The following MDGA2 variants were observed in gnomAD, a reference collection of about 807,000 sequenced individuals.
MDGA2 encodes MAM domain-containing glycosylphosphatidylinositol anchor protein 2.
In MDGA2, 40 loss-of-function variants were observed where a neutral mutation model predicts 117.8. That is an observed-to-expected ratio of 0.34 (90% CI 0.26 to 0.44). The LOEUF (loss-of-function observed/expected upper bound fraction) is 0.44, where lower values mean the gene tolerates loss of function less well. Among genes scored for constraint, MDGA2 ranks in the 20% least tolerant of loss-of-function variants. The pLI is 1.00. For missense variants in MDGA2, 1,123 were observed against 1,250.6 expected (o/e 0.90, Z 1.54); for synonymous variants, 452 against 439.0 (o/e 1.03, Z -0.37).
intron 6 of MDGA2, among the ~76,000 whole-genome samples, chr14:47,088,363 C>T (rs1299620349): frequency 1.3e-5 from 2 of 152,210 alleles, no homozygotes; most frequent in East Asian, 1.9e-4. Flanking sequence ...GAAATAAGCA[C>T]TTAATCTGCA....
At chr14:47,427,251 C>G (rs755184617) in intron 1 of MDGA2, among the ~76,000 whole-genome samples, 8 of 152,102 alleles carry the variant, frequency 5.3e-5, no homozygotes, top group African/African-American at 1.4e-4. Context: ...CCCTCCTGCT[C>G]CCTTCCTCCC....
At chr14:47,643,206 C>T (rs1361843212) in intron 1 of MDGA2, among the ~76,000 whole-genome samples, 1 of 151,930 alleles carries the variant, frequency 6.6e-6, no homozygotes, top group East Asian at 1.9e-4. Flanking sequence ...ATTTTTAATT[C>T]TATTCATAAG....
chr14:46,919,573 G>A (rs1351953937), intron 10 of MDGA2, among the ~76,000 whole-genome samples: 1 of 152,126 alleles, frequency 6.6e-6, no homozygotes, highest in Non-Finnish European at 1.5e-5. Context: ...ATTAGCTTAT[G>A]CAACATTCTG....
chr14:47,046,954 C>T (rs967023519), intron 7 of MDGA2, among the ~76,000 whole-genome samples: 2 of 152,078 alleles, frequency 1.3e-5, no homozygotes, highest in African/African-American at 4.8e-5. Flanking sequence ...AAAGCAGAGC[C>T]ACATATGTTA....
At chr14:47,653,797 G>A (rs2080092786) in intron 1 of MDGA2, among the ~76,000 whole-genome samples, 1 of 152,108 alleles carries the variant, frequency 6.6e-6, no homozygotes. Flanking sequence ...TGGAAGAAAG[G>A]CACAGAGAGA....
intron 10 of MDGA2, among the ~76,000 whole-genome samples, chr14:46,918,760 CTTTT>C (rs34958634): frequency 2.4e-5 from 3 of 124,802 alleles, no homozygotes; most frequent in Non-Finnish European, 3.2e-5. Context: ...TACAGTGTAT[CTTTT>C]TTTTTTTTTT....
chr14:47,201,126 G>T, intron 3 of MDGA2: 1 of 762,722 alleles, frequency 1.3e-6, no homozygotes. Context: ...GCTTGGGAAA[G>T]CCCTTTTTCT....
At chr14:47,625,454 C>T in intron 1 of MDGA2, among the ~76,000 whole-genome samples, 1 of 152,184 alleles carries the variant, frequency 6.6e-6, no homozygotes. Context: ...CTCACAATAT[C>T]ACCCTAACAG....
intron 1 of MDGA2, among the ~76,000 whole-genome samples, chr14:47,351,697 GA>G (rs1890885455): frequency 6.6e-6 from 1 of 152,144 alleles, no homozygotes; most frequent in African/African-American, 2.4e-5. Flanking sequence ...TAATACCTAA[GA>G]AAATAAGCCA....
At chr14:47,631,454 G>A (rs950332380) in intron 1 of MDGA2, among the ~76,000 whole-genome samples, 2 of 151,920 alleles carry the variant, frequency 1.3e-5, no homozygotes, top group Admixed American at 6.6e-5. Context: ...AAACAAAAAC[G>A]AAAAGCCCTC....
At chr14:47,322,868 C>T (rs184994192) in intron 1 of MDGA2, among the ~76,000 whole-genome samples, 4 of 152,080 alleles carry the variant, frequency 2.6e-5, no homozygotes, top group South Asian at 2.1e-4. Flanking sequence ...CATCTGCTAA[C>T]GTAAACCTCC....
intron 7 of MDGA2, among the ~76,000 whole-genome samples, chr14:47,045,635 T>G (rs1034015786): frequency 6.6e-6 from 1 of 152,010 alleles, no homozygotes; most frequent in Non-Finnish European, 1.5e-5. Flanking sequence ...TTGGAGGGAA[T>G]AGGGACTCTA....
chr14:47,178,152 G>C (rs1265547153), intron 3 of MDGA2, among the ~76,000 whole-genome samples: 1 of 152,006 alleles, frequency 6.6e-6, no homozygotes, highest in African/African-American at 2.4e-5. Flanking sequence ...AAAAGTTAAA[G>C]GCATTAAGTA....
At chr14:47,500,492 G>A (rs1291274077) in intron 1 of MDGA2, among the ~76,000 whole-genome samples, 1 of 152,020 alleles carries the variant, frequency 6.6e-6, no homozygotes, top group African/African-American at 2.4e-5. Context: ...CACCAAGTTT[G>A]TGGTATCCAA....
At chr14:47,425,707 A>T (rs1183030996) in intron 1 of MDGA2, among the ~76,000 whole-genome samples, 1 of 152,114 alleles carries the variant, frequency 6.6e-6, no homozygotes, top group Non-Finnish European at 1.5e-5. Flanking sequence ...ACTATTCCTG[A>T]GACATTTTAT....
chr14:47,372,465 T>A (rs1425211365), intron 1 of MDGA2, among the ~76,000 whole-genome samples: 2 of 151,876 alleles, frequency 1.3e-5, no homozygotes, highest in African/African-American at 4.8e-5. Flanking sequence ...CTAATCAACA[T>A]ATGAAAAGAT....
intron 8 of MDGA2, among the ~76,000 whole-genome samples, chr14:46,980,169 G>C (rs1886616587): frequency 6.6e-6 from 1 of 152,146 alleles, no homozygotes; most frequent in African/African-American, 2.4e-5. Flanking sequence ...TGATTAATAG[G>C]AGGAGGTCAA....
rs566325795 is a variant in MDGA2, at chr14:47,114,821, G to A, written c.925+16893C>T. On this transcript the variant is annotated intron_variant, in intron 5 of 16. Coordinates refer to ENST00000399232, the MANE Select transcript of MDGA2 (RefSeq NM_001113498.3). ...AAAACCCCAAACTATAAAAACCCTA[G>A]AAGAAAATCTAGGCAATACCTTTTG... Among the ~76,000 whole-genome samples, 2 of 151,984 alleles carry A rather than the reference G, an allele frequency of 1.3e-5. 1 individual carries two copies. Among genetic ancestry groups the A allele is most frequent in the African/African-American group, 4.8e-5 (2 of 41,440 alleles).
chr14:47,565,737 TG>T lies in MDGA2; in HGVS notation c.280+108779del, dbSNP rs200977625. Among the ~76,000 whole-genome samples, 1,170 of 152,234 alleles carry T rather than the reference TG, an allele frequency of 7.7e-3. 18 individuals carry two copies. The highest frequency in any genetic ancestry group is 0.027 in the African/African-American group (1,109 of 41,546). On this transcript the variant is annotated intron_variant, in intron 1 of 16. Transcript: ENST00000399232. ...TTGGCAGTGGTGGCATAGGCAGCCCTGGGGGCTGAATCCACTGGGGTCCATG... is the reference window on the plus strand; with the variant it reads ...TTGGCAGTGGTGGCATAGGCAGCCCTGGGGCTGAATCCACTGGGGTCCATG...
Sources: allele counts gnomAD v4.1 joint callset (sites outside exome capture counted in the v4.1 genomes callset), GRCh38; gene constraint gnomAD v4.1.1; transcripts MANE v1.5; gene names NCBI Gene and HGNC (gene_info 2026-07-23, HGNC 2026-07-21).